The following WARS2 variants were observed in gnomAD, a reference collection of about 807,000 sequenced individuals.
The protein encoded by WARS2 is tryptophan--tRNA ligase, mitochondrial.
WARS2 carries 28 observed loss-of-function variants against 36.5 expected under a neutral mutation model. The observed-to-expected ratio is 0.77, with a 90% CI of 0.57 to 1.05. WARS2 has a LOEUF of 1.05. WARS2 is among the 50% of genes least tolerant of loss of function. The probability of loss-of-function intolerance (pLI) is 0.00; values close to 1 mark genes in which losing one functional copy is unlikely to be tolerated. For missense variants in WARS2, 435 were observed against 456.8 expected (o/e 0.95, Z 0.44); for synonymous variants, 174 against 178.4 (o/e 0.98, Z 0.20).
intron 1 of WARS2, chr1:119,085,908 C>T (rs901066832): frequency 1.1e-5 from 17 of 1,610,444 alleles, no homozygotes; most frequent in East Asian, 2.2e-5. Flanking sequence ...CTGGACCTCT[C>T]GCTCATTCAG....
intron 1 of WARS2, chr1:119,139,635 C>G (rs958577466): frequency 2.0e-4 from 30 of 152,192 alleles, no homozygotes; most frequent in African/African-American, 7.0e-4. Context: ...ACAACAGTTA[C>G]AATAGGTGCG....
intron 2 of WARS2, among the ~76,000 whole-genome samples, chr1:119,053,422 A>C (rs1649529750): frequency 6.6e-6 from 1 of 152,200 alleles, no homozygotes. Flanking sequence ...ACTGGGAACA[A>C]TAATAATCTA....
intron 1 of WARS2, among the ~76,000 whole-genome samples, chr1:119,110,034 T>C (rs1654521577): frequency 6.6e-6 from 1 of 151,994 alleles, no homozygotes; most frequent in Non-Finnish European, 1.5e-5. Context: ...GCCTAATTCC[T>C]TCCTCCCATC....
At chr1:119,060,616 A>G (rs1053541476) in intron 2 of WARS2, among the ~76,000 whole-genome samples, 1 of 152,196 alleles carries the variant, frequency 6.6e-6, no homozygotes, top group East Asian at 1.9e-4. Context: ...TCTGAGCAAA[A>G]TATAAAAATC....
intron 1 of WARS2, among the ~76,000 whole-genome samples, chr1:119,079,176 T>C (rs1651998431): frequency 6.6e-6 from 1 of 152,158 alleles, no homozygotes; most frequent in Non-Finnish European, 1.5e-5. Flanking sequence ...ATCGCCATCA[T>C]AAATCAAGGA....
At chr1:119,050,743 A>C (rs558969338) in intron 2 of WARS2, among the ~76,000 whole-genome samples, 1 of 152,264 alleles carries the variant, frequency 6.6e-6, no homozygotes, top group East Asian at 1.9e-4. Flanking sequence ...AAAATTTTAA[A>C]CCATACAAAC....
intron 2 of WARS2, among the ~76,000 whole-genome samples, chr1:119,045,995 G>GCA (rs1055692230): frequency 2.6e-5 from 4 of 151,512 alleles, no homozygotes; most frequent in African/African-American, 7.3e-5. Context: ...TATTAAGAAG[G>GCA]CACACACACA....
intron 2 of WARS2, among the ~76,000 whole-genome samples, chr1:119,068,843 A>T (rs58707960): frequency 4.3e-5 from 5 of 116,456 alleles, no homozygotes; most frequent in Non-Finnish European, 7.1e-5. Context: ...TCTCTCTCAC[A>T]CACACACACA....
chr1:119,036,245 G>A (rs1647876251), intron 4 of WARS2, among the ~76,000 whole-genome samples: 2 of 152,116 alleles, frequency 1.3e-5, no homozygotes, highest in South Asian at 4.1e-4. Flanking sequence ...ATAAGTTAAT[G>A]TGGGAAATTC....
At chr1:119,122,489 C>A (rs587760754) in intron 1 of WARS2, among the ~76,000 whole-genome samples, 124 of 152,248 alleles carry the variant, frequency 8.1e-4, no homozygotes, top group Non-Finnish European at 1.0e-3. Context: ...TATGAAGATT[C>A]CTTAAAGAAT....
chr1:119,113,989 T>C (rs1217945023), intron 1 of WARS2, among the ~76,000 whole-genome samples: 7 of 152,122 alleles, frequency 4.6e-5, no homozygotes, highest in Admixed American at 2.0e-4. Context: ...CAGTAGTAAA[T>C]ATACACAGTA....
At chr1:119,041,323 C>T (rs1432460301) in intron 4 of WARS2, among the ~76,000 whole-genome samples, 1 of 152,180 alleles carries the variant, frequency 6.6e-6, no homozygotes, top group Non-Finnish European at 1.5e-5. Context: ...AAATGGGGGT[C>T]AAGGGAGGCT....
chr1:119,124,404 C>A (rs749859395), intron 1 of WARS2, among the ~76,000 whole-genome samples: 14 of 152,128 alleles, frequency 9.2e-5, no homozygotes, highest in Non-Finnish European at 1.9e-4. Context: ...GCAGGAGAAT[C>A]GCTTGAACCC....
At chr1:119,082,499 G>A (rs1652275982) in intron 1 of WARS2, 1 of 968,900 alleles carries the variant, frequency 1.0e-6, no homozygotes, top group South Asian at 4.8e-5. Flanking sequence ...ACACTGCTAA[G>A]TTAAATAACC....
intron 1 of WARS2, among the ~76,000 whole-genome samples, chr1:119,095,867 G>A (rs1456084326): frequency 6.6e-6 from 1 of 152,150 alleles, no homozygotes; most frequent in Admixed American, 6.6e-5. Context: ...GTCAGTATTG[G>A]GGGACACTGA....
At chr1:119,068,164 C>T (rs17023185) in intron 2 of WARS2, among the ~76,000 whole-genome samples, 38,200 of 152,046 alleles carry the variant, frequency 0.25, 5,037 homozygotes, top group Middle Eastern at 0.3. Context: ...CCATTGTGAG[C>T]TGAAAGAGCA....
At chr1:119,127,023 T>G in intron 1 of WARS2, 1 of 750,538 alleles carries the variant, frequency 1.3e-6, no homozygotes, top group Non-Finnish European at 2.4e-6. Context: ...GCCCTAAACA[T>G]CTTCAGTAAT....
chr1:119,064,907 T>C (rs1204230449), intron 2 of WARS2: 1 of 152,120 alleles, frequency 6.6e-6, no homozygotes. Flanking sequence ...AATAAAAAAT[T>C]TGAAATTCAC....
At chr1:119,055,885 G>C (rs968515525) in intron 2 of WARS2, among the ~76,000 whole-genome samples, 2 of 152,036 alleles carry the variant, frequency 1.3e-5, no homozygotes, top group African/African-American at 4.8e-5. Context: ...CAAACTATCA[G>C]TATAGGGAAC....
Sources: gnomAD v4.1 joint callset for allele counts (sites outside exome capture counted in the v4.1 genomes callset) on GRCh38, gnomAD v4.1.1 for gene constraint, MANE v1.5 for transcripts, NCBI Gene and HGNC (gene_info 2026-07-23, HGNC 2026-07-21) for gene names.